Variants in CUBN observed in about 807,000 individuals in gnomAD.
CUBN encodes 460 kDa receptor.
CUBN carries 282 observed loss-of-function variants against 405.3 expected under a neutral mutation model. That is an observed-to-expected ratio of 0.70 (90% CI 0.63 to 0.77). The LOEUF is 0.77. Ranked by LOEUF, CUBN falls within the 30% of genes least tolerant of loss-of-function variation. The pLI is 0.00. For missense variants in CUBN, 4,514 were observed against 4,475.2 expected (o/e 1.01, Z -0.25); for synonymous variants, 1,684 against 1,617.0 (o/e 1.04, Z -0.99).
intron 6 of CUBN, among the ~76,000 whole-genome samples, chr10:17,120,208 T>C (rs1351161749): frequency 6.6e-6 from 1 of 152,232 alleles, no homozygotes; most frequent in African/African-American, 2.4e-5. Flanking sequence ...CTCAAGAAAG[T>C]ATCTAAATGT....
chr10:16,903,856 A>G (rs1841477139), intron 51 of CUBN, 110 bp downstream of exon 51: 3 of 698,682 alleles, frequency 4.3e-6, no homozygotes, highest in East Asian at 3.0e-5. Flanking sequence ...TATTAACAAA[A>G]CTAATAGCTA....
intron 59 of CUBN, among the ~76,000 whole-genome samples, chr10:16,857,092 A>T (rs1181722685): frequency 6.6e-6 from 1 of 152,222 alleles, no homozygotes; most frequent in Non-Finnish European, 1.5e-5. Context: ...TCTAAAAGTA[A>T]ACAGTGTTTA....
At chr10:16,858,574 G>A (rs1479880331) in intron 59 of CUBN, among the ~76,000 whole-genome samples, 1 of 152,106 alleles carries the variant, frequency 6.6e-6, no homozygotes, top group African/African-American at 2.4e-5. Flanking sequence ...CTCCCACCTT[G>A]GTCTCCCAAA....
At chr10:17,001,967 G>C (rs918564453) in intron 28 of CUBN, among the ~76,000 whole-genome samples, 1 of 152,158 alleles carries the variant, frequency 6.6e-6, no homozygotes, top group Non-Finnish European at 1.5e-5. Context: ...GGTAGTTACT[G>C]TCCTCCACCA....
chr10:17,046,202 T>G (rs1244006182), intron 23 of CUBN, 108 bp from the exon 24 acceptor site: 1 of 972,026 alleles, frequency 1.0e-6, no homozygotes, highest in Admixed American at 1.9e-5. Context: ...GTTTATTGGA[T>G]GAAGTAATTT....
Position 16,918,816 on chromosome 10 carries a change from A to C in CUBN, c.6822-16T>G. 1 of 1,611,026 alleles carries C rather than the reference A, an allele frequency of 6.2e-7. No homozygotes were observed. Among genetic ancestry groups the C allele is most frequent in the Non-Finnish European group, 8.5e-7 (1 of 1,177,854 alleles). ...GGAAGTACAGCTGAAGTGGGAACAA[A>C]ATTCTGTTAAATTTACATGGTCAGA... On this transcript the variant is annotated splice_polypyrimidine_tract_variant and intron_variant, in intron 44 of 66. Transcript: ENST00000377833.
intron 51 of CUBN, among the ~76,000 whole-genome samples, chr10:16,902,100 T>TAC (rs1373740187): frequency 5.2e-5 from 7 of 134,546 alleles, no homozygotes; most frequent in African/African-American, 8.3e-5. Context: ...TATATATATA[T>TAC]ACACACACAC....
At chr10:17,102,784 T>C (rs1564515939) in intron 13 of CUBN, among the ~76,000 whole-genome samples, 1 of 151,518 alleles carries the variant, frequency 6.6e-6, no homozygotes, top group Admixed American at 6.6e-5. Flanking sequence ...TTTTTTTTTA[T>C]TTGTTTTATT....
chr10:16,935,310 C>A (rs558548562), intron 39 of CUBN, among the ~76,000 whole-genome samples: 1 of 152,170 alleles, frequency 6.6e-6, no homozygotes, highest in African/African-American at 2.4e-5. Flanking sequence ...CACCACCATG[C>A]CTACCTAATT....
chr10:17,084,040 T>C (rs1430173260), intron 17 of CUBN, among the ~76,000 whole-genome samples: 1 of 152,214 alleles, frequency 6.6e-6, no homozygotes, highest in African/African-American at 2.4e-5. Context: ...CTGGGTTGAG[T>C]TCTTTCCTGT....
intron 31 of CUBN, among the ~76,000 whole-genome samples, chr10:16,956,872 A>G (rs1010419501): frequency 6.6e-6 from 1 of 152,018 alleles, no homozygotes; most frequent in Non-Finnish European, 1.5e-5. Flanking sequence ...GTTTATATTT[A>G]TTTTTTATTT....
chr10:16,896,458 T>C (rs117377973), intron 54 of CUBN, among the ~76,000 whole-genome samples: 3,822 of 152,282 alleles, frequency 0.025, 66 homozygotes, highest in Non-Finnish European at 0.04. Flanking sequence ...GACAATTCCT[T>C]TGTTTCAGCA....
intron 31 of CUBN, among the ~76,000 whole-genome samples, chr10:16,968,890 G>A (rs530791223): frequency 2.6e-5 from 4 of 152,296 alleles, no homozygotes; most frequent in Admixed American, 2.6e-4. Context: ...GAGAGCCCAA[G>A]GTTAATTACA....
intron 60 of CUBN, among the ~76,000 whole-genome samples, chr10:16,848,556 G>A (rs1839586281): frequency 6.6e-6 from 1 of 152,096 alleles, no homozygotes; most frequent in South Asian, 2.1e-4. Flanking sequence ...AAATTTGTCT[G>A]ACAGCAAAAT....
At chr10:16,982,364 G>T in intron 31 of CUBN, 120 bp downstream of exon 31, 1 of 851,240 alleles carries the variant, frequency 1.2e-6, no homozygotes, top group Non-Finnish European at 1.9e-6. Flanking sequence ...CCAATAGTTT[G>T]GTTTCCTATG....
intron 6 of CUBN, among the ~76,000 whole-genome samples, chr10:17,116,128 G>A (rs1401039208): frequency 6.6e-6 from 1 of 152,144 alleles, no homozygotes; most frequent in Non-Finnish European, 1.5e-5. Flanking sequence ...TCCATAAAAA[G>A]CGTAGTTATA....
In CUBN at chr10:16,840,328, A is replaced by C; in HGVS notation, c.10032+2T>G. Reference sequence around the variant, plus strand: ...GACTGCCATTCATCTTATAATTGTTACCTGCGGTGAGTCCTGAAGCTGTAA... The same window carrying C: ...GACTGCCATTCATCTTATAATTGTTCCCTGCGGTGAGTCCTGAAGCTGTAA... On this transcript the variant is annotated splice_donor_variant, in intron 62 of 66. Transcript: ENST00000377833. LOFTEE classifies it high-confidence loss of function. The C allele has an allele frequency of 1.9e-6, 3 of 1,613,340 alleles. No homozygotes were observed. The highest frequency in any genetic ancestry group is 1.7e-6 in the Non-Finnish European group (2 of 1,179,228).
chr10:17,006,576 TC>T (rs1426054099), intron 28 of CUBN, among the ~76,000 whole-genome samples: 1 of 152,098 alleles, frequency 6.6e-6, no homozygotes, highest in Non-Finnish European at 1.5e-5. Context: ...GAAAGACCAC[TC>T]GAGAGAAAGA....
intron 28 of CUBN, among the ~76,000 whole-genome samples, chr10:17,017,522 G>A (rs1448866367): frequency 1.3e-5 from 2 of 152,138 alleles, no homozygotes; most frequent in East Asian, 3.9e-4. Flanking sequence ...GGAAGGGAAG[G>A]GATCTCCAGA....
Sources: allele counts gnomAD v4.1 joint callset (sites outside exome capture counted in the v4.1 genomes callset), GRCh38; gene constraint gnomAD v4.1.1; transcripts MANE v1.5; gene names NCBI Gene and HGNC (gene_info 2026-07-23, HGNC 2026-07-21).